The following SETD9 variants were observed in gnomAD, a reference collection of about 807,000 sequenced individuals.
SETD9 encodes the protein SET domain containing 9, also known as SET domain-containing protein 9.
Under a neutral mutation model 36.4 loss-of-function variants are expected in SETD9, and 37 were observed. The ratio of observed to expected loss-of-function variants is 1.02; its 90% CI spans 0.78 to 1.34. SETD9 has a LOEUF of 1.34. Among genes scored for constraint, SETD9 ranks in the 40% most tolerant of loss-of-function variants. The probability of loss-of-function intolerance (pLI) is 0.00; values close to 1 mark genes in which losing one functional copy is unlikely to be tolerated. For synonymous variants in SETD9, 128 were observed against 132.9 expected (o/e 0.96, Z 0.26); for missense variants, 323 against 353.2 (o/e 0.91, Z 0.69).
chr5:56,912,926 G>A, intron 2 of SETD9, 85 bp from the exon 3 acceptor site: 1 of 1,393,566 alleles, frequency 7.2e-7, no homozygotes, highest in Non-Finnish European at 9.9e-7. Context: ...AAGAGAATGT[G>A]ATTATATTCC....
downstream of SETD9, chr5:56,921,429 ATAAAT>A (rs1337854554): frequency 6.6e-6 from 1 of 152,576 alleles, no homozygotes; most frequent in Admixed American, 6.5e-5. Context: ...CTTCAGATGT[ATAAAT>A]TAGAGACTGA....
chr5:56,920,006 T>A (rs1291188193), downstream of SETD9: 1 of 152,638 alleles, frequency 6.6e-6, no homozygotes, highest in South Asian at 2.1e-4. Flanking sequence ...TCCTTGGTGG[T>A]CAGGTTTATT....
At position 56,916,975 on chromosome 5, in the gene SETD9, T is replaced by C; in HGVS notation, c.*73T>C. 6.7e-7 allele frequency: 1 copy of C among 1,489,968 alleles called. No homozygotes were observed. Among genetic ancestry groups the C allele is most frequent in the African/African-American group, 1.4e-5 (1 of 69,552 alleles). 92.3% of individuals were successfully genotyped at this position (1,489,968 alleles called of 1,614,324 possible). The stretch of plus-strand genomic sequence containing the variant: ...AAGTGTTTTTTGTTAATCACTTCTC[T>C]GAGTTCTACCTGTAAAACAAATATT... On this transcript the variant is annotated 3_prime_UTR_variant, in exon 6 of 6. Transcript: ENST00000285947.
intron 3 of SETD9, 101 bp downstream of exon 3, chr5:56,913,235 A>G: frequency 7.4e-7 from 1 of 1,349,434 alleles, no homozygotes; most frequent in East Asian, 2.5e-5. Context: ...TTTTTTATAT[A>G]AAGAGATGGG....
intron 5 of SETD9, chr5:56,923,034 A>G: frequency 3.1e-6 from 3 of 967,306 alleles, no homozygotes; most frequent in Non-Finnish European, 4.6e-6. Flanking sequence ...CATAGTGAGA[A>G]AGGTTCAAAC....
chr5:56,925,020 T>A (rs539802002), intron 5 of SETD9, among the ~76,000 whole-genome samples: 1 of 152,216 alleles, frequency 6.6e-6, no homozygotes, highest in African/African-American at 2.4e-5. Flanking sequence ...GTATCTCTAG[T>A]GCCTAAAACA....
At chr5:56,910,277 A>G in intron 1 of SETD9, 3 of 1,304,120 alleles carry the variant, frequency 2.3e-6, no homozygotes, top group Non-Finnish European at 3.0e-6. Flanking sequence ...TCATACAAGT[A>G]CTTCACGTGG....
intron 5 of SETD9, among the ~76,000 whole-genome samples, chr5:56,916,361 C>T (rs1293867718): frequency 6.6e-6 from 1 of 152,128 alleles, no homozygotes; most frequent in African/African-American, 2.4e-5. Flanking sequence ...CACTGCACAC[C>T]AGCCTGGGTG....
chr5:56,928,598 T>C (rs1414417713), downstream of SETD9: 7 of 504,070 alleles, frequency 1.4e-5, no homozygotes, highest in Non-Finnish European at 2.1e-5. Context: ...AGCCATTCCA[T>C]AAGCAGGCTG....
downstream of SETD9, chr5:56,920,427 A>G (rs903806203): frequency 2.0e-5 from 3 of 152,592 alleles, no homozygotes; most frequent in African/African-American, 7.2e-5. Context: ...TGGTTTGTTC[A>G]TAAGAAAATA....
Position 56,911,425 on chromosome 5 carries a change from A to ACTTT in SETD9, c.356_359dup (p.Leu120PhefsTer11), listed in dbSNP as rs1222751563. 2 of 1,613,504 alleles carry ACTTT rather than the reference A, an allele frequency of 1.2e-6. No homozygotes were observed. The highest frequency in any genetic ancestry group is 1.7e-6 in the Non-Finnish European group (2 of 1,179,868). The stretch of plus-strand genomic sequence containing the variant: ...TAAACCAGAAGAAATTCTTTACAAG[A>ACTTT]CTTTGGGTTTCAGTGTTGCCCAAGC... On this transcript the variant is annotated frameshift_variant, in exon 2 of 6. Coordinates refer to ENST00000285947, the MANE Select transcript of SETD9 (RefSeq NM_153706.4). LOFTEE classifies it high-confidence loss of function.
chr5:56,916,590 G>C (rs1228680842), intron 5 of SETD9, among the ~76,000 whole-genome samples: 1 of 152,114 alleles, frequency 6.6e-6, no homozygotes, highest in Non-Finnish European at 1.5e-5. Context: ...AGAAGAAGTA[G>C]TCAGTTGTAT....
chr5:56,911,531 A>G lies in SETD9; in HGVS notation c.461A>G (p.Tyr154Cys), dbSNP rs760592721. 2 of 1,549,780 alleles carry G rather than the reference A, an allele frequency of 1.3e-6. No homozygotes were observed. The highest frequency in any genetic ancestry group is 1.7e-6 in the Non-Finnish European group (2 of 1,154,086). The part of the protein sequence containing the change: ...LVPKGAVVSM[Y>C]PGTVYQKYEP... ...CCAAAAGGCGCAGTCGTATCTATGT[A>G]TCCTGGTAACAGCACGATTAATATT... The change falls in exon 2 of 6, where the codon TAT (tyrosine) becomes TGT (cysteine). Residue 154 changes from tyrosine to cysteine, a missense_variant. By Grantham distance (194) the Tyr-to-Cys change is radical. Coordinates refer to ENST00000285947, the MANE Select transcript of SETD9 (RefSeq NM_153706.4).
chr5:56,922,936 T>C (rs1749742411), intron 5 of SETD9: 3 of 590,324 alleles, frequency 5.1e-6, no homozygotes, highest in African/African-American at 1.9e-5. Context: ...CTGCTGATCA[T>C]AGTTCATTTC....
chr5:56,909,665 G>C lies in SETD9; in HGVS notation c.20G>C (p.Arg7Pro). The change falls in exon 1 of 6, where the codon CGG becomes CCG. Residue 7 changes from arginine (R) to proline (P), a missense_variant. Transcript: ENST00000285947. MPGRLLRGLWQRWRRYK... is the reference protein window; with the variant it reads MPGRLLPGLWQRWRRYK... ...GCAGCCATGCCTGGCCGTCTGCTGC[G>C]GGGCCTGTGGCAGCGATGGCGCCGT... 1.2e-6 allele frequency: 2 copies of C among 1,609,000 alleles called. No individual in the cohort carries two copies. Among genetic ancestry groups the C allele is most frequent in the East Asian group, 4.5e-5 (2 of 44,390 alleles).
In SETD9 at chr5:56,924,034, A is replaced by G. The variant is rs146068485; in HGVS notation, c.813-1299A>G. ...ATGCTACACACTCAGCAACTGTCCT[A>G]GTTCTCACCTAATGAAAAAGTTGAA... On this transcript the variant is annotated intron_variant, in intron 5 of 5. Transcript: ENST00000628593. 1.8e-4 allele frequency: 292 copies of G among 1,591,406 alleles called. 1 individual carries two copies. The African/African-American group carries it at 3.7e-3, about 20-fold the overall frequency.
chr5:56,921,782 A>T (rs1414665664), downstream of SETD9: 2 of 152,674 alleles, frequency 1.3e-5, no homozygotes, highest in African/African-American at 4.8e-5. Flanking sequence ...GGTGCAAACA[A>T]CATAATTCTC....
chr5:56,910,131 T>G, intron 1 of SETD9: 2 of 1,231,484 alleles, frequency 1.6e-6, no homozygotes, highest in Non-Finnish European at 2.1e-6. Flanking sequence ...CTGGGGAGCT[T>G]GTATCTGGGC....
At chr5:56,924,955 C>T (rs1392613967) in intron 5 of SETD9, among the ~76,000 whole-genome samples, 2 of 152,202 alleles carry the variant, frequency 1.3e-5, no homozygotes, top group Non-Finnish European at 2.9e-5. Flanking sequence ...TATAAGTCTT[C>T]GCAGAGAATG....
Sources: gnomAD v4.1 joint callset for allele counts (sites outside exome capture counted in the v4.1 genomes callset) on GRCh38, gnomAD v4.1.1 for gene constraint, MANE v1.5 for transcripts, NCBI Gene and HGNC (gene_info 2026-07-23, HGNC 2026-07-21) for gene names.